Variants in COA1 observed in about 807,000 individuals in gnomAD.
COA1 encodes cytochrome c oxidase assembly factor 1 homolog.
A neutral mutation model predicts 16.0 loss-of-function variants in COA1; 13 were observed. That is an observed-to-expected ratio of 0.81 (90% CI 0.53 to 1.29). The LOEUF is 1.29. Ranked by LOEUF, COA1 falls within the 50% of genes most tolerant of loss-of-function variation. The probability of loss-of-function intolerance (pLI) is 0.00; values close to 1 mark genes in which losing one functional copy is unlikely to be tolerated. For missense variants in COA1, 179 were observed against 177.0 expected, an observed-to-expected ratio of 1.01 and a Z score of -0.06; for synonymous variants, 65 against 65.7, an observed-to-expected ratio of 0.99 and a Z score of 0.05.
chr7:43,634,973 G>T (rs922877174), downstream of COA1, among the ~76,000 whole-genome samples: 2 of 152,166 alleles, frequency 1.3e-5, no homozygotes, highest in Non-Finnish European at 2.9e-5. Context: ...ATCTTTCACA[G>T]TAGTCTGATG....
At chr7:43,698,452 T>C (rs985078652) in intron 1 of COA1, among the ~76,000 whole-genome samples, 3 of 152,234 alleles carry the variant, frequency 2.0e-5, no homozygotes, top group Non-Finnish European at 4.4e-5. Context: ...ATGGTTTCCT[T>C]GTTGTAATTC....
chr7:43,621,922 G>C (rs2083934019), intron 6 of COA1, among the ~76,000 whole-genome samples: 1 of 152,050 alleles, frequency 6.6e-6, no homozygotes, highest in Non-Finnish European at 1.5e-5. Context: ...CATACACACA[G>C]AAACTGGTGT....
intron 1 of COA1, among the ~76,000 whole-genome samples, chr7:43,651,689 T>TAAAAAAA (rs539990413): frequency 9.3e-6 from 1 of 107,184 alleles, no homozygotes; most frequent in African/African-American, 3.8e-5. Flanking sequence ...AGGAAGAGCT[T>TAAAAAAA]AAAAAAAAAA....
At chr7:43,631,593 G>A (rs2085178090) in intron 6 of COA1, 1 of 152,216 alleles carries the variant, frequency 6.6e-6, no homozygotes, top group South Asian at 2.1e-4. Flanking sequence ...ATGGTTTCCA[G>A]AGAGAAATCC....
chr7:43,636,037 G>A (rs1203831602), downstream of COA1, among the ~76,000 whole-genome samples: 1 of 151,950 alleles, frequency 6.6e-6, no homozygotes, highest in Non-Finnish European at 1.5e-5. Flanking sequence ...TTCCTCTAAG[G>A]GAAAAAAAAC....
intron 6 of COA1, chr7:43,633,356 G>A (rs34484955): frequency 0.15 from 22,310 of 152,068 alleles, 2,170 homozygotes; most frequent in Non-Finnish European, 0.21. Flanking sequence ...GCCACTGTGG[G>A]GTTATTAATT....
chr7:43,703,472 T>C (rs1389126561), intron 1 of COA1, among the ~76,000 whole-genome samples: 1 of 152,228 alleles, frequency 6.6e-6, no homozygotes, highest in Non-Finnish European at 1.5e-5. Flanking sequence ...CTAAGTTTCT[T>C]TGCAGGTCTC....
intron 1 of COA1, among the ~76,000 whole-genome samples, chr7:43,677,801 A>AAAAAAAAG (rs2093604686): frequency 5.5e-4 from 1 of 1,808 alleles, no homozygotes; most frequent in African/African-American, 1.0e-3. Flanking sequence ...GCTCTGTCTT[A>AAAAAAAAG]AAAAAAAAAA....
At chr7:43,650,600 G>A (rs1182070464) in intron 1 of COA1, 4 of 152,074 alleles carry the variant, frequency 2.6e-5, no homozygotes, top group Non-Finnish European at 4.4e-5. Context: ...GTGTCCGTGG[G>A]GAAAGGCAAA....
At chr7:43,675,903 T>C (rs1437669790) in intron 1 of COA1, among the ~76,000 whole-genome samples, 1 of 152,150 alleles carries the variant, frequency 6.6e-6, no homozygotes, top group Non-Finnish European at 1.5e-5. Context: ...ATGGCTCACT[T>C]GTACTATTTA....
At chr7:43,700,314 CCTAT>C (rs1391990435) in intron 1 of COA1, among the ~76,000 whole-genome samples, 1 of 151,990 alleles carries the variant, frequency 6.6e-6, no homozygotes, top group African/African-American at 2.4e-5. Context: ...GTATCCACTA[CCTAT>C]CTAACAGGCT....
At chr7:43,668,385 T>C (rs925931393) in intron 1 of COA1, among the ~76,000 whole-genome samples, 1 of 152,186 alleles carries the variant, frequency 6.6e-6, no homozygotes, top group Non-Finnish European at 1.5e-5. Flanking sequence ...CCAAAAGGCC[T>C]ATGTAGAAAT....
chr7:43,624,289 C>T (rs1470325462), intron 6 of COA1, among the ~76,000 whole-genome samples: 1 of 152,040 alleles, frequency 6.6e-6, no homozygotes, highest in Admixed American at 6.5e-5. Flanking sequence ...CTCAAGAGAG[C>T]GTTTCAGACA....
intron 1 of COA1, among the ~76,000 whole-genome samples, chr7:43,697,483 A>G (rs756093434): frequency 6.6e-6 from 1 of 152,038 alleles, no homozygotes; most frequent in Admixed American, 6.5e-5. Context: ...ACAGGGTTTC[A>G]TCATGTTGGC....
intron 1 of COA1, among the ~76,000 whole-genome samples, chr7:43,685,898 G>T (rs879844684): frequency 3.3e-5 from 5 of 152,220 alleles, no homozygotes; most frequent in South Asian, 2.1e-4. Flanking sequence ...TATAAAATCT[G>T]ATTATTTGCT....
intron 1 of COA1, among the ~76,000 whole-genome samples, chr7:43,700,619 T>TGTG (rs397766419): frequency 4.7e-5 from 7 of 150,188 alleles, no homozygotes; most frequent in African/African-American, 1.5e-4. Flanking sequence ...TGTGTGTGTG[T>TGTG]TAGAGTAAGG....
chr7:43,705,833 C>T (rs1282661106), intron 1 of COA1, among the ~76,000 whole-genome samples: 3 of 152,210 alleles, frequency 2.0e-5, no homozygotes, highest in Non-Finnish European at 4.4e-5. Flanking sequence ...GAGTGGGCCA[C>T]TCCACATCAA....
At chr7:43,614,192 CGTTAAATGGATTATGTACAAAGATGA>C (rs1163773849) in intron 6 of COA1, among the ~76,000 whole-genome samples, 1 of 152,142 alleles carries the variant, frequency 6.6e-6, no homozygotes, top group East Asian at 1.9e-4. Flanking sequence ...GTTCAGTAAA[CGTTAAATGGATTATGTACAAAGATGA>C]AGATACCGAG....
downstream of COA1, among the ~76,000 whole-genome samples, chr7:43,636,773 AAGAC>A (rs1217226411): frequency 1.3e-5 from 2 of 152,232 alleles, no homozygotes; most frequent in African/African-American, 4.8e-5. Flanking sequence ...AAATTGAACA[AAGAC>A]AGTAAAATCT....
Sources: gnomAD v4.1 joint callset for allele counts (sites outside exome capture counted in the v4.1 genomes callset) on GRCh38, gnomAD v4.1.1 for gene constraint, MANE v1.5 for transcripts, NCBI Gene and HGNC (gene_info 2026-07-23, HGNC 2026-07-21) for gene names.